The following CSMD1 variants were observed in gnomAD, a reference collection of about 807,000 sequenced individuals.
The protein encoded by CSMD1 is CUB and Sushi multiple domains 1.
CSMD1 carries 213 observed loss-of-function variants against 417.5 expected under a neutral mutation model. The ratio of observed to expected loss-of-function variants is 0.51; its 90% CI spans 0.46 to 0.57. The LOEUF is 0.57. Among genes scored for constraint, CSMD1 ranks in the 20% least tolerant of loss-of-function variants. The pLI is 0.00. For synonymous variants in CSMD1, 2,862 were observed against 1,736.8 expected, an observed-to-expected ratio of 1.65 and a Z score of -16.11; for missense variants, 6,923 against 4,529.7, an observed-to-expected ratio of 1.53 and a Z score of -15.17.
intron 1 of CSMD1, among the ~76,000 whole-genome samples, chr8:4,734,742 T>C (rs982605766): frequency 1.3e-5 from 2 of 152,214 alleles, no homozygotes; most frequent in Admixed American, 6.5e-5. Context: ...AAATAAATTA[T>C]TGGCTACTTC....
intron 2 of CSMD1, among the ~76,000 whole-genome samples, chr8:4,611,746 G>A (rs144927913): frequency 2.0e-5 from 3 of 152,168 alleles, no homozygotes; most frequent in East Asian, 3.9e-4. Flanking sequence ...TCTCATTTGT[G>A]AGTCATCTAT....
rs1797215017 is a variant in CSMD1 at position 3,205,716 on chromosome 8, T to A, written c.4868-96A>T. Reference sequence around the variant, plus strand: ...AAACACATCAAACACGTGAGCACGTTTATTGAAAACTTGACAAAATAAGAA... The same window carrying A: ...AAACACATCAAACACGTGAGCACGTATATTGAAAACTTGACAAAATAAGAA... On this transcript the variant is annotated intron_variant, in intron 30 of 69. Transcript: ENST00000635120. 12 of 518,778 alleles carry A rather than the reference T, an allele frequency of 2.3e-5. No individual in the cohort carries two copies. In the South Asian group the frequency reaches 3.7e-4, roughly 16 times the overall value. 32.1% of individuals were successfully genotyped at this position (518,778 alleles called of 1,614,324 possible).
intron 2 of CSMD1, among the ~76,000 whole-genome samples, chr8:4,478,199 C>T (rs1306024621): frequency 6.6e-6 from 1 of 152,158 alleles, no homozygotes; most frequent in African/African-American, 2.4e-5. Flanking sequence ...TATTCTTTCA[C>T]TCGCCAAATG....
At chr8:3,762,271 A>T (rs548201948) in intron 5 of CSMD1, among the ~76,000 whole-genome samples, 2 of 152,118 alleles carry the variant, frequency 1.3e-5, no homozygotes, top group East Asian at 3.9e-4. Flanking sequence ...ATCAGCAGAA[A>T]TATCTGCCCT....
At chr8:4,902,787 C>A (rs566618209) in intron 1 of CSMD1, among the ~76,000 whole-genome samples, 2 of 151,980 alleles carry the variant, frequency 1.3e-5, no homozygotes, top group Non-Finnish European at 2.9e-5. Context: ...GCAGTAAACA[C>A]AGTTACCAGG....
At chr8:4,623,820 A>G (rs1289838192) in intron 2 of CSMD1, among the ~76,000 whole-genome samples, 1 of 152,090 alleles carries the variant, frequency 6.6e-6, no homozygotes, top group African/African-American at 2.4e-5. Context: ...AAAACAGTTC[A>G]GTGGTGTGCT....
intron 2 of CSMD1, among the ~76,000 whole-genome samples, chr8:4,622,105 C>T (rs1050510433): frequency 3.3e-5 from 5 of 149,254 alleles, no homozygotes; most frequent in Middle Eastern, 3.2e-3. Flanking sequence ...AATCTCTCAT[C>T]AGGGAAATTC....
At chr8:4,510,389 CTAAAAAAAAAAAA>C in intron 2 of CSMD1, among the ~76,000 whole-genome samples, 1 of 10,964 alleles carries the variant, frequency 9.1e-5, no homozygotes, top group African/African-American at 4.1e-4. Context: ...AGCATAATGC[CTAAAAAAAAAAAA>C]AAAAAAAAAA....
At chr8:4,396,622 C>G (rs1804236111) in intron 3 of CSMD1, among the ~76,000 whole-genome samples, 1 of 151,078 alleles carries the variant, frequency 6.6e-6, no homozygotes, top group Non-Finnish European at 1.5e-5. Context: ...GTGATACACA[C>G]ACACACACAC....
At chr8:3,987,687 A>G (rs1360784934) in intron 5 of CSMD1, among the ~76,000 whole-genome samples, 1 of 152,204 alleles carries the variant, frequency 6.6e-6, no homozygotes, top group Non-Finnish European at 1.5e-5. Context: ...AAATGGATTG[A>G]AAACAGGAAA....
intron 3 of CSMD1, among the ~76,000 whole-genome samples, chr8:4,396,134 G>A (rs1434035307): frequency 1.3e-5 from 2 of 152,058 alleles, no homozygotes; most frequent in Admixed American, 6.5e-5. Flanking sequence ...TAATGGGAAT[G>A]TATGCTAAAT....
At chr8:3,049,171 G>C (rs923498288) in intron 50 of CSMD1, among the ~76,000 whole-genome samples, 5 of 152,082 alleles carry the variant, frequency 3.3e-5, no homozygotes, top group African/African-American at 9.7e-5. Context: ...AAGATAGTCT[G>C]ATGGTTTCTT....
intron 10 of CSMD1, among the ~76,000 whole-genome samples, chr8:3,513,584 A>T (rs561151826): frequency 1.3e-5 from 2 of 152,258 alleles, no homozygotes; most frequent in Admixed American, 1.3e-4. Flanking sequence ...TGATTAATAC[A>T]CTAATCCTAC....
intron 2 of CSMD1, among the ~76,000 whole-genome samples, chr8:4,567,810 A>C (rs1798687346): frequency 6.6e-6 from 1 of 152,218 alleles, no homozygotes; most frequent in Non-Finnish European, 1.5e-5. Flanking sequence ...AAAAAAAGTG[A>C]GGCAGCATGA....
At chr8:3,584,350 C>A (rs1006801247) in intron 9 of CSMD1, among the ~76,000 whole-genome samples, 1 of 151,930 alleles carries the variant, frequency 6.6e-6, no homozygotes, top group East Asian at 1.9e-4. Context: ...AGAGACCCTG[C>A]GAAAAAAGTG....
intron 7 of CSMD1, among the ~76,000 whole-genome samples, chr8:3,693,795 G>A (rs560721107): frequency 1.1e-4 from 16 of 151,566 alleles, no homozygotes; most frequent in South Asian, 1.0e-3. Context: ...GTGTGTTGGC[G>A]TCGTGTGTGT....
chr8:3,880,928 A>C (rs1806164954), intron 5 of CSMD1, among the ~76,000 whole-genome samples: 1 of 152,192 alleles, frequency 6.6e-6, no homozygotes, highest in Non-Finnish European at 1.5e-5. Context: ...ACCAAGTATT[A>C]CATTGGATGC....
intron 10 of CSMD1, among the ~76,000 whole-genome samples, chr8:3,499,995 G>C (rs903384395): frequency 6.6e-5 from 10 of 152,080 alleles, no homozygotes; most frequent in African/African-American, 2.4e-4. Flanking sequence ...GGCCTATGAG[G>C]CCTGTGGGGG....
chr8:4,093,633 ATGAT>A (rs1452752554), intron 3 of CSMD1, among the ~76,000 whole-genome samples: 7 of 152,238 alleles, frequency 4.6e-5, no homozygotes, highest in African/African-American at 1.7e-4. Flanking sequence ...TAAGCCAACT[ATGAT>A]TGAGAGGAGA....
Sources: allele counts gnomAD v4.1 joint callset (sites outside exome capture counted in the v4.1 genomes callset), GRCh38; gene constraint gnomAD v4.1.1; transcripts MANE v1.5; gene names NCBI Gene and HGNC (gene_info 2026-07-23, HGNC 2026-07-21).